SOX6: variants seen among roughly 807,000 people sequenced by gnomAD.
SOX6 encodes transcription factor SOX-6.
SOX6 carries 11 observed loss-of-function variants against 97.8 expected under a neutral mutation model. The ratio of observed to expected loss-of-function variants is 0.11; its 90% confidence interval spans 0.07 to 0.19. SOX6 has a LOEUF of 0.19. Ranked by LOEUF, SOX6 falls within the 10% of genes least tolerant of loss-of-function variation. The probability of loss-of-function intolerance (pLI) is 1.00; values close to 1 mark genes in which losing one functional copy is unlikely to be tolerated. For missense variants in SOX6, 810 were observed against 1,039.5 expected (o/e 0.78, Z 3.04); for synonymous variants, 360 against 371.4 (o/e 0.97, Z 0.35).
chr11:16,080,116 CA>C (rs58272493), intron 9 of SOX6, among the ~76,000 whole-genome samples: 5,791 of 143,942 alleles, frequency 0.04, 350 homozygotes, highest in African/African-American at 0.14. Flanking sequence ...CTCATCACAC[CA>C]AAAAAAAAAT....
chr11:16,621,730 A>G (rs1166712929), intron 3 of SOX6, among the ~76,000 whole-genome samples: 1 of 152,166 alleles, frequency 6.6e-6, no homozygotes, highest in African/African-American at 2.4e-5. Context: ...TAGCATATCT[A>G]TTAATAAGCC....
chr11:16,725,743 A>C (rs1163595102), intron 2 of SOX6, among the ~76,000 whole-genome samples: 2 of 152,164 alleles, frequency 1.3e-5, no homozygotes, highest in African/African-American at 4.8e-5. Flanking sequence ...AAATTCAGTT[A>C]GCTAAGGATT....
intron 12 of SOX6, among the ~76,000 whole-genome samples, chr11:16,015,963 G>T (rs1854870324): frequency 6.6e-6 from 1 of 152,022 alleles, no homozygotes; most frequent in Non-Finnish European, 1.5e-5. Flanking sequence ...ACATGAAATA[G>T]CAGCTTCCAG....
intron 6 of SOX6, among the ~76,000 whole-genome samples, chr11:16,155,404 T>C (rs1478656637): frequency 6.6e-6 from 1 of 152,172 alleles, no homozygotes; most frequent in African/African-American, 2.4e-5. Context: ...ATTGTAAGAA[T>C]TCAATGGATT....
intron 1 of SOX6, among the ~76,000 whole-genome samples, chr11:16,452,114 T>C (rs910427316): frequency 1.3e-5 from 2 of 152,188 alleles, no homozygotes; most frequent in African/African-American, 4.8e-5. Flanking sequence ...TAGTGGGATA[T>C]ATCTGCATAA....
At chr11:16,111,977 A>G in intron 6 of SOX6, 54 bp from the exon 7 acceptor site, 1 of 1,609,568 alleles carries the variant, frequency 6.2e-7, no homozygotes, top group Non-Finnish European at 8.5e-7. Context: ...TATGCCAAGA[A>G]GAATTTGTTT....
chr11:16,714,451 CTTTTT>C (rs761435639), intron 3 of SOX6, among the ~76,000 whole-genome samples: 2 of 116,380 alleles, frequency 1.7e-5, no homozygotes, highest in East Asian at 4.9e-4. Context: ...AATTTTCTTT[CTTTTT>C]TTTTTTTTTT....
At chr11:16,641,561 A>T (rs1038768147) in intron 3 of SOX6, among the ~76,000 whole-genome samples, 1 of 152,126 alleles carries the variant, frequency 6.6e-6, no homozygotes, top group African/African-American at 2.4e-5. Context: ...ATAGGTCTCT[A>T]AGGACTTGCT....
intron 3 of SOX6, among the ~76,000 whole-genome samples, chr11:16,641,164 T>C (rs754779022): frequency 2.0e-5 from 3 of 152,250 alleles, no homozygotes; most frequent in Non-Finnish European, 2.9e-5. Context: ...CATTTCGTTA[T>C]GTACCCAGTA....
rs1853776763 is a variant in SOX6 at position 15,984,739 on chromosome 11, T to G, written c.2183+1465A>C. On this transcript the variant is annotated intron_variant, in intron 15 of 15. Coordinates refer to ENST00000683767, the MANE Select transcript of SOX6 (RefSeq NM_001367873.1). ...CTTTTATAATAAAGTGGCTTAAGCT[T>G]CTCTCTACCTCTAAAAGGTTCTGCC... 2.0e-5 allele frequency among the ~76,000 whole-genome samples: 3 copies of G among 152,168 alleles called. No homozygotes were observed. The South Asian group carries it at 6.2e-4, about 31-fold the overall frequency.
chr11:16,173,128 G>A (rs1851083632), intron 6 of SOX6, among the ~76,000 whole-genome samples: 1 of 151,896 alleles, frequency 6.6e-6, no homozygotes, highest in Non-Finnish European at 1.5e-5. Flanking sequence ...AAAACAGACT[G>A]AAAGCATTGG....
intron 5 of SOX6, among the ~76,000 whole-genome samples, chr11:16,184,239 G>A (rs1476239392): frequency 1.3e-5 from 2 of 152,046 alleles, no homozygotes; most frequent in Admixed American, 6.6e-5. Context: ...TTTAGAAATC[G>A]AATCCTTGTA....
chr11:16,304,845 C>T (rs984581489), intron 3 of SOX6, among the ~76,000 whole-genome samples: 2 of 151,726 alleles, frequency 1.3e-5, no homozygotes, highest in South Asian at 2.1e-4. Context: ...CAGATGATGC[C>T]GCAGCAAATT....
intron 15 of SOX6, among the ~76,000 whole-genome samples, chr11:15,974,378 C>CTTTTTTTTTT (rs35597667): frequency 5.2e-3 from 449 of 85,596 alleles, no homozygotes; most frequent in Middle Eastern, 0.011. Context: ...TTAGCTCTCT[C>CTTTTTTTTTT]TTTTTTTTTT....
In SOX6 at chr11:16,217,633, G is replaced by A. The variant is rs1852412398; in HGVS notation, c.535+16949C>T. Among the ~76,000 whole-genome samples the A allele has an allele frequency of 1.3e-5, 2 of 152,096 alleles. 1 individual carries two copies. The highest frequency in any genetic ancestry group is 4.1e-4 in the South Asian group (2 of 4,828). ...TTCTAGCCAACTTTAAAATCAGACT[G>A]TTTCCAATAGAAGGCTAACATTTTA... is the stretch of plus-strand genomic sequence containing the variant. On this transcript the variant is annotated intron_variant, in intron 4 of 15. Coordinates refer to ENST00000683767, the MANE Select transcript of SOX6 (RefSeq NM_001367873.1).
intron 1 of SOX6, among the ~76,000 whole-genome samples, chr11:16,405,603 C>A (rs542701245): frequency 2.0e-5 from 3 of 152,094 alleles, no homozygotes; most frequent in Admixed American, 6.6e-5. Context: ...AATAGCAATA[C>A]TATATACAGT....
chr11:16,325,005 T>C (rs1856038113), intron 2 of SOX6, among the ~76,000 whole-genome samples: 1 of 152,084 alleles, frequency 6.6e-6, no homozygotes, highest in African/African-American at 2.4e-5. Context: ...GGTAGCACAT[T>C]ATACATCATT....
intron 4 of SOX6, among the ~76,000 whole-genome samples, chr11:16,514,734 T>C (rs1367983017): frequency 6.7e-5 from 9 of 134,706 alleles, no homozygotes; most frequent in Non-Finnish European, 1.4e-4. Context: ...GTGTGATGTT[T>C]CCCTTCCTGT....
intron 13 of SOX6, among the ~76,000 whole-genome samples, chr11:15,990,709 A>G (rs1590113259): frequency 1.3e-5 from 2 of 152,212 alleles, no homozygotes; most frequent in Admixed American, 6.5e-5. Flanking sequence ...AATTAAAGGT[A>G]AAGTGGTCAG....
Sources: gnomAD v4.1 joint callset for allele counts (sites outside exome capture counted in the v4.1 genomes callset) on GRCh38, gnomAD v4.1.1 for gene constraint, MANE v1.5 for transcripts, NCBI Gene and HGNC (gene_info 2026-07-23, HGNC 2026-07-21) for gene names.